ERG: variants seen among roughly 807,000 people sequenced by gnomAD.
ERG encodes the protein ETS transcription factor ERG, also known as transcriptional regulator ERG.
Under a neutral mutation model 55.3 loss-of-function variants are expected in ERG, and 9 were observed. The observed-to-expected ratio is 0.16, with a 90% CI of 0.10 to 0.28. The LOEUF (loss-of-function observed/expected upper bound fraction) is 0.28. ERG is among the 10% of genes least tolerant of loss of function. The pLI is 1.00. For missense variants in ERG, 434 were observed against 631.6 expected (o/e 0.69, Z 3.35); for synonymous variants, 223 against 237.3 (o/e 0.94, Z 0.55).
intron 2 of ERG, among the ~76,000 whole-genome samples, chr21:38,569,763 T>C (rs2146852479): frequency 6.6e-6 from 1 of 152,326 alleles, no homozygotes; most frequent in East Asian, 1.9e-4. Context: ...TTCCTTATTT[T>C]TCTTTTCAAC....
chr21:38,566,944 C>G (rs182704472), intron 2 of ERG, among the ~76,000 whole-genome samples: 1 of 152,188 alleles, frequency 6.6e-6, no homozygotes, highest in African/African-American at 2.4e-5. Flanking sequence ...GCTAACCATG[C>G]GCAACTTCCA....
chr21:38,462,969 T>C (rs987503737), intron 1 of ERG, among the ~76,000 whole-genome samples: 1 of 152,116 alleles, frequency 6.6e-6, no homozygotes, highest in Non-Finnish European at 1.5e-5. Context: ...CTTTTCTGGA[T>C]CAGAGGCAGC....
At chr21:38,448,422 G>A (rs982424678) in intron 1 of ERG, among the ~76,000 whole-genome samples, 2 of 152,166 alleles carry the variant, frequency 1.3e-5, no homozygotes, top group African/African-American at 4.8e-5. Context: ...GGAAGCTTCA[G>A]GATAAACACT....
intron 1 of ERG, among the ~76,000 whole-genome samples, chr21:38,593,348 G>A (rs1325377203): frequency 6.6e-6 from 1 of 152,160 alleles, no homozygotes; most frequent in Non-Finnish European, 1.5e-5. Flanking sequence ...ATTTACCAGG[G>A]ATTTTTTCCT....
chr21:38,527,921 A>G (rs1356369799), intron 2 of ERG, among the ~76,000 whole-genome samples: 1 of 152,220 alleles, frequency 6.6e-6, no homozygotes, highest in African/African-American at 2.4e-5. Context: ...GTGCCATAAC[A>G]AAGTGCCACA....
rs1987939141 is a variant in ERG at position 38,390,896 on chromosome 21, T to C, written c.919+99A>G. The C allele has an allele frequency of 3.2e-6, 3 of 927,580 alleles. No homozygotes were observed. The East Asian group carries it at 7.2e-5, about 22-fold the overall frequency. The allele number at this position is 927,580 out of a possible 1,614,324, so 57.5% of individuals were successfully genotyped here. On this transcript the variant is annotated intron_variant, in intron 9 of 9. Coordinates refer to ENST00000288319, the MANE Select transcript of ERG (RefSeq NM_182918.4). The stretch of plus-strand genomic sequence containing the variant: ...CAGTGAGACCTAAAACTAAAATCTG[T>C]TCAGTTGAAGGAATTTCTCACCAAT...
At chr21:38,498,495 G>A (rs1167417021), upstream of ERG, 2 of 1,472,970 alleles carry the variant, frequency 1.4e-6, no homozygotes, top group African/African-American at 2.9e-5. This position sits in a 1 kb window ranked among gnomAD's most constrained non-coding sequence, Gnocchi z 4.6. Flanking sequence ...TGCTAAGTCT[G>A]GGAAATGAAG....
intron 9 of ERG, among the ~76,000 whole-genome samples, chr21:38,388,487 G>T (rs941415516): frequency 6.6e-6 from 1 of 152,186 alleles, no homozygotes; most frequent in Admixed American, 6.5e-5. Context: ...TTTAAGTGAT[G>T]AAAGATTTAT....
chr21:38,480,796 C>G (rs2059232166), intron 1 of ERG, among the ~76,000 whole-genome samples: 1 of 151,910 alleles, frequency 6.6e-6, no homozygotes, highest in Non-Finnish European at 1.5e-5. Flanking sequence ...AAATCTGGCT[C>G]TTATCCCACT....
At chr21:38,533,636 T>A (rs2059687951) in intron 2 of ERG, among the ~76,000 whole-genome samples, 2 of 152,262 alleles carry the variant, frequency 1.3e-5, no homozygotes, top group Admixed American at 1.3e-4. Context: ...TGTACAGTTA[T>A]TGCTTCTCTC....
intron 1 of ERG, among the ~76,000 whole-genome samples, chr21:38,466,767 A>T (rs2059094805): frequency 6.6e-6 from 1 of 152,174 alleles, no homozygotes; most frequent in Non-Finnish European, 1.5e-5. Context: ...TTTCTTCCAA[A>T]TGTGGACAAC....
At chr21:38,422,373 G>A (rs1989589338) in intron 3 of ERG, among the ~76,000 whole-genome samples, 1 of 152,244 alleles carries the variant, frequency 6.6e-6, no homozygotes, top group Non-Finnish European at 1.5e-5. Context: ...AGAGACTAAA[G>A]GAGTAAGGCA....
At chr21:38,635,079 C>T (rs927690008) in intron 1 of ERG, among the ~76,000 whole-genome samples, 1 of 152,178 alleles carries the variant, frequency 6.6e-6, no homozygotes, top group African/African-American at 2.4e-5. Context: ...ACTCCAACTA[C>T]ATGATATTCT....
intron 2 of ERG, among the ~76,000 whole-genome samples, chr21:38,551,548 T>A (rs1421103122): frequency 6.6e-6 from 1 of 152,332 alleles, no homozygotes; most frequent in East Asian, 1.9e-4. Flanking sequence ...GTATGGTGTA[T>A]CTTTGTTTTC....
chr21:38,532,425 G>T (rs986116198), intron 2 of ERG, among the ~76,000 whole-genome samples: 8 of 151,508 alleles, frequency 5.3e-5, no homozygotes, highest in African/African-American at 1.9e-4. Flanking sequence ...AAGTCACTAC[G>T]AAAGTTACTT....
chr21:38,393,792 G>A (rs1187218123), intron 6 of ERG, among the ~76,000 whole-genome samples: 1 of 152,224 alleles, frequency 6.6e-6, no homozygotes, highest in South Asian at 2.1e-4. Flanking sequence ...TACTAGTGTG[G>A]TCTATGAAAT....
chr21:38,428,193 A>G (rs764899525), intron 2 of ERG, among the ~76,000 whole-genome samples: 3 of 150,452 alleles, frequency 2.0e-5, no homozygotes, highest in African/African-American at 7.3e-5. Flanking sequence ...AAAAAAAACA[A>G]AAGAGAGAAA....
At chr21:38,531,929 T>C (rs187596520) in intron 2 of ERG, among the ~76,000 whole-genome samples, 1 of 152,186 alleles carries the variant, frequency 6.6e-6, no homozygotes, top group East Asian at 1.9e-4. Context: ...TTCTTTCAAC[T>C]GAGGCAATTG....
chr21:38,408,693 T>C (rs1405564390), intron 3 of ERG, among the ~76,000 whole-genome samples: 1 of 152,170 alleles, frequency 6.6e-6, no homozygotes, highest in Admixed American at 6.5e-5. Flanking sequence ...CACTCCATGG[T>C]ATCTCAGCAA....
Sources: allele counts gnomAD v4.1 joint callset (sites outside exome capture counted in the v4.1 genomes callset), GRCh38; gene constraint gnomAD v4.1.1; non-coding constraint Gnocchi (gnomAD v3.1); transcripts MANE v1.5; gene names NCBI Gene and HGNC (gene_info 2026-07-23, HGNC 2026-07-21).